Variants in FIRRM observed in about 807,000 individuals in gnomAD.
FIRRM encodes the protein FIGNL1-interacting regulator of recombination and mitosis.
At chr1:169,846,871 A>T in the FIRRM span, among the ~76,000 whole-genome samples, 1 of 152,190 alleles carries the variant, frequency 6.6e-6, no homozygotes, top group Non-Finnish European at 1.5e-5. Context: ...AACTTGCAAA[A>T]GAGGCCTAGC....
the FIRRM span, chr1:169,852,183 T>C: frequency 1.3e-5 from 7 of 533,280 alleles, no homozygotes; most frequent in East Asian, 3.4e-5. Flanking sequence ...AGTTACATAT[T>C]GTACCAGTGA....
chr1:169,802,375 A>T, the FIRRM span, among the ~76,000 whole-genome samples: 1 of 152,186 alleles, frequency 6.6e-6, no homozygotes, highest in Admixed American at 6.5e-5. Flanking sequence ...GATGCTATTA[A>T]ATAGATTCAA....
chr1:169,842,723 A>G, the FIRRM span, among the ~76,000 whole-genome samples: 1 of 152,210 alleles, frequency 6.6e-6, no homozygotes, highest in African/African-American at 2.4e-5. Context: ...TGATAGCATT[A>G]TATTAGTAAA....
At chr1:169,796,989 T>G in the FIRRM span, among the ~76,000 whole-genome samples, 3 of 152,226 alleles carry the variant, frequency 2.0e-5, no homozygotes, top group African/African-American at 7.2e-5. Flanking sequence ...CCTGTTCAGT[T>G]TTCTAAAAAG....
At chr1:169,817,230 T>C in the FIRRM span, among the ~76,000 whole-genome samples, 2 of 152,184 alleles carry the variant, frequency 1.3e-5, no homozygotes, top group Non-Finnish European at 2.9e-5. Context: ...TCCTGAAAAT[T>C]TCTTTCCTCT....
chr1:169,833,184 G>T, the FIRRM span, among the ~76,000 whole-genome samples: 2 of 152,096 alleles, frequency 1.3e-5, no homozygotes, highest in East Asian at 3.8e-4. Flanking sequence ...AAACCTGTAT[G>T]GCCTAGTGCA....
the FIRRM span, among the ~76,000 whole-genome samples, chr1:169,848,597 G>A: frequency 6.6e-6 from 1 of 152,170 alleles, no homozygotes; most frequent in Non-Finnish European, 1.5e-5. Flanking sequence ...TATCCCATCT[G>A]TCTCCATCAT....
the FIRRM span, among the ~76,000 whole-genome samples, chr1:169,806,875 G>A: frequency 1.3e-3 from 203 of 152,256 alleles, no homozygotes; most frequent in African/African-American, 4.6e-3. Flanking sequence ...TTCTTGACAG[G>A]GTTATAGTGA....
At chr1:169,821,720 G>A in the FIRRM span, 3 of 1,611,820 alleles carry the variant, frequency 1.9e-6, no homozygotes, top group Middle Eastern at 1.7e-4. Context: ...CACTCAAATT[G>A]TGTCGTTTTT....
At chr1:169,833,850 T>C in the FIRRM span, among the ~76,000 whole-genome samples, 1 of 137,728 alleles carries the variant, frequency 7.3e-6, no homozygotes. Flanking sequence ...ACTTTCCTTT[T>C]TTTTTTTTTT....
the FIRRM span, chr1:169,837,022 A>G: frequency 6.2e-7 from 1 of 1,613,944 alleles, no homozygotes; most frequent in Non-Finnish European, 8.5e-7. Flanking sequence ...AGCTTAGGGA[A>G]CAAACTGTCC....
the FIRRM span, chr1:169,803,450 T>C: frequency 1.1e-6 from 1 of 908,286 alleles, no homozygotes; most frequent in Non-Finnish European, 1.5e-6. Flanking sequence ...AACATGTAAG[T>C]AAATAATTGT....
At chr1:169,843,146 T>C in the FIRRM span, among the ~76,000 whole-genome samples, 1 of 152,230 alleles carries the variant, frequency 6.6e-6, no homozygotes, top group African/African-American at 2.4e-5. Flanking sequence ...TGGGAAATGA[T>C]AGATATGATT....
At chr1:169,808,559 T>C in the FIRRM span, among the ~76,000 whole-genome samples, 2 of 151,790 alleles carry the variant, frequency 1.3e-5, no homozygotes, top group African/African-American at 4.8e-5. Flanking sequence ...ATAGTAGTCC[T>C]AAATTATAAG....
the FIRRM span, among the ~76,000 whole-genome samples, chr1:169,812,143 G>T: frequency 6.6e-6 from 1 of 152,214 alleles, no homozygotes; most frequent in African/African-American, 2.4e-5. Flanking sequence ...TTAATTAGTA[G>T]TATGCTATTT....
the FIRRM span, among the ~76,000 whole-genome samples, chr1:169,820,507 C>A: frequency 6.6e-6 from 1 of 152,146 alleles, no homozygotes. Context: ...AGTTCTTAGC[C>A]AAGAGGGACT....
At chr1:169,820,147 G>T in the FIRRM span, among the ~76,000 whole-genome samples, 1 of 152,338 alleles carries the variant, frequency 6.6e-6, no homozygotes, top group South Asian at 2.1e-4. Context: ...TGGGCAAGAT[G>T]AAAGAGTGGA....
the FIRRM span, among the ~76,000 whole-genome samples, chr1:169,845,519 A>G: frequency 6.6e-6 from 1 of 152,240 alleles, no homozygotes; most frequent in Non-Finnish European, 1.5e-5. Context: ...ACTTCTTTCA[A>G]AATTAGAGTC....
the FIRRM span, among the ~76,000 whole-genome samples, chr1:169,787,407 G>C: frequency 0.41 from 61,615 of 151,968 alleles, 12,859 homozygotes; most frequent in Middle Eastern, 0.51. Flanking sequence ...CACCTCAAAA[G>C]TCACTATCTC....
Sources: gnomAD v4.1 joint callset for allele counts (sites outside exome capture counted in the v4.1 genomes callset) on GRCh38, gnomAD v4.1.1 for gene constraint, MANE v1.5 for transcripts, NCBI Gene and HGNC (gene_info 2026-07-23, HGNC 2026-07-21) for gene names.